Variants in ST6GAL1 observed in about 807,000 individuals in gnomAD.
The protein encoded by ST6GAL1 is ST6 beta-galactoside alpha-2,6-sialyltransferase 1.
A neutral mutation model predicts 38.0 loss-of-function variants in ST6GAL1; 20 were observed. The observed-to-expected ratio is 0.53, with a 90% CI of 0.37 to 0.77. The LOEUF (loss-of-function observed/expected upper bound fraction) is 0.77, where lower values mean the gene tolerates loss of function less well. Ranked by LOEUF, ST6GAL1 falls within the 30% of genes least tolerant of loss-of-function variation. ST6GAL1 has a pLI of 0.00. For missense variants in ST6GAL1, 432 were observed against 496.4 expected, an observed-to-expected ratio of 0.87 and a Z score of 1.23; for synonymous variants, 196 against 188.2, an observed-to-expected ratio of 1.04 and a Z score of -0.34.
At position 186,942,903 on chromosome 3, in the gene ST6GAL1, G is replaced by A. The variant is rs138511018; in HGVS notation, c.-325+12069G>A. Among the ~76,000 whole-genome samples, 1,320 of 152,244 alleles carry A rather than the reference G, an allele frequency of 8.7e-3. 21 individuals carry two copies. Among genetic ancestry groups the A allele is most frequent in the African/African-American group, 0.03 (1,249 of 41,540 alleles). ...TTTTTAGTAGAGATGAGGTTTCGCC[G>A]TGTTGGCCAGGCTGGTCTCAAACTG... On this transcript the variant is annotated intron_variant, in intron 1 of 7. Transcript: ENST00000169298.
chr3:186,971,149 T>C (rs1715333793), intron 2 of ST6GAL1, among the ~76,000 whole-genome samples: 1 of 152,212 alleles, frequency 6.6e-6, no homozygotes. Context: ...AGTGCAGTGG[T>C]GCTATCTTGG....
intron 2 of ST6GAL1, among the ~76,000 whole-genome samples, chr3:186,991,016 A>G (rs759602): frequency 0.81 from 123,001 of 151,916 alleles, 49,959 homozygotes; most frequent in East Asian, 0.94. Context: ...CCAGGCTTCT[A>G]CCCTTTGTGC....
chr3:186,965,787 G>A (rs762756515), intron 2 of ST6GAL1, among the ~76,000 whole-genome samples: 6 of 152,166 alleles, frequency 3.9e-5, no homozygotes, highest in Non-Finnish European at 5.9e-5. Context: ...TCTCTTCCTC[G>A]TCCTTCCCCT....
At chr3:187,060,992 TGAA>T in intron 5 of ST6GAL1, among the ~76,000 whole-genome samples, 1 of 152,314 alleles carries the variant, frequency 6.6e-6, no homozygotes, top group South Asian at 2.1e-4. Flanking sequence ...AATAAAATAT[TGAA>T]TAAATAAGCA....
chr3:186,966,672 T>C (rs17774982), intron 2 of ST6GAL1, among the ~76,000 whole-genome samples: 11,148 of 152,214 alleles, frequency 0.073, 555 homozygotes, highest in Non-Finnish European at 0.1. Flanking sequence ...TTCCTTGTAG[T>C]GTAAGATAGC....
chr3:186,950,019 G>T (rs1431219869), intron 1 of ST6GAL1, among the ~76,000 whole-genome samples: 1 of 152,244 alleles, frequency 6.6e-6, no homozygotes, highest in Non-Finnish European at 1.5e-5. Flanking sequence ...AATAGAAAGA[G>T]AAATGAGATA....
At chr3:187,027,596 C>T (rs1486695927) in intron 2 of ST6GAL1, among the ~76,000 whole-genome samples, 8 of 152,054 alleles carry the variant, frequency 5.3e-5, no homozygotes, top group African/African-American at 1.9e-4. Context: ...TTATTCCGGC[C>T]CCCCTTCTTG....
intron 2 of ST6GAL1, among the ~76,000 whole-genome samples, chr3:187,035,990 A>G (rs1717917489): frequency 6.6e-6 from 1 of 152,184 alleles, no homozygotes; most frequent in South Asian, 2.1e-4. Context: ...GGAAGAAAAT[A>G]TTTGCAAGCT....
At chr3:187,074,818 C>T (rs1308805004) in intron 7 of ST6GAL1, among the ~76,000 whole-genome samples, 1 of 152,010 alleles carries the variant, frequency 6.6e-6, no homozygotes, top group African/African-American at 2.4e-5. Flanking sequence ...TAAGGGCGTA[C>T]CCCTTAAAAA....
intron 2 of ST6GAL1, among the ~76,000 whole-genome samples, chr3:187,026,760 A>AT: frequency 6.6e-6 from 1 of 152,252 alleles, no homozygotes; most frequent in East Asian, 1.9e-4. Context: ...TACAATAAAA[A>AT]TGGGGCCAGG....
intron 1 of ST6GAL1, among the ~76,000 whole-genome samples, chr3:186,955,369 G>A (rs867259591): frequency 2.6e-5 from 4 of 152,174 alleles, no homozygotes; most frequent in African/African-American, 9.7e-5. Flanking sequence ...ATTCTGTGAA[G>A]AATGTCAATG....
chr3:187,031,315 T>C (rs938077744), intron 2 of ST6GAL1, among the ~76,000 whole-genome samples: 1 of 152,238 alleles, frequency 6.6e-6, no homozygotes, highest in Non-Finnish European at 1.5e-5. Flanking sequence ...AGAGTGCCAT[T>C]CTACTTAATC....
At chr3:186,990,796 A>C (rs1716140583) in intron 2 of ST6GAL1, among the ~76,000 whole-genome samples, 1 of 151,650 alleles carries the variant, frequency 6.6e-6, no homozygotes. Flanking sequence ...CTGGTCAACA[A>C]GAGCAAAACT....
chr3:186,941,038 G>T (rs1418992215), intron 1 of ST6GAL1, among the ~76,000 whole-genome samples: 1 of 152,094 alleles, frequency 6.6e-6, no homozygotes, highest in Admixed American at 6.5e-5. Context: ...TGAATTGAAG[G>T]GCTCTCAGGA....
At chr3:186,937,004 CAA>C (rs1289799899) in intron 1 of ST6GAL1, among the ~76,000 whole-genome samples, 1 of 141,870 alleles carries the variant, frequency 7.0e-6, no homozygotes, top group Non-Finnish European at 1.5e-5. Context: ...AAGTACTGTA[CAA>C]AAAAACATAG....
At position 186,998,799 on chromosome 3, in the gene ST6GAL1, A is replaced by T. The variant is rs368509627; in HGVS notation, c.-183+34873A>T. Among the ~76,000 whole-genome samples, 7 of 152,348 alleles carry T rather than the reference A, an allele frequency of 4.6e-5. No homozygotes were observed. In the East Asian group the frequency reaches 1.2e-3, roughly 25 times the overall value. Reference sequence around the variant, plus strand: ...TATTTTTACACTTACAGCACGTCTCATCTGGCCTAGCCACATCTGGCTAGT... The same window carrying T: ...TATTTTTACACTTACAGCACGTCTCTTCTGGCCTAGCCACATCTGGCTAGT... On this transcript the variant is annotated intron_variant, in intron 2 of 7. Coordinates refer to ENST00000169298, the MANE Select transcript of ST6GAL1 (RefSeq NM_173216.2).
intron 2 of ST6GAL1, among the ~76,000 whole-genome samples, chr3:187,019,282 T>C (rs1452362817): frequency 6.6e-6 from 1 of 152,182 alleles, no homozygotes; most frequent in African/African-American, 2.4e-5. Flanking sequence ...ATATGAAAAA[T>C]CTATAGCTGA....
At chr3:187,057,311 C>T (rs1468490452) in intron 5 of ST6GAL1, among the ~76,000 whole-genome samples, 1 of 152,182 alleles carries the variant, frequency 6.6e-6, no homozygotes, top group Non-Finnish European at 1.5e-5. Flanking sequence ...TCTGTCAGCT[C>T]GTGAAAGTCA....
chr3:186,956,775 A>G (rs1714763495), intron 1 of ST6GAL1, among the ~76,000 whole-genome samples: 1 of 152,228 alleles, frequency 6.6e-6, no homozygotes, highest in South Asian at 2.1e-4. Flanking sequence ...GATCATGCAC[A>G]CAGAACATCC....
Sources: gnomAD v4.1 joint callset for allele counts (sites outside exome capture counted in the v4.1 genomes callset) on GRCh38, gnomAD v4.1.1 for gene constraint, MANE v1.5 for transcripts, NCBI Gene and HGNC (gene_info 2026-07-23, HGNC 2026-07-21) for gene names.